The following FLNA variants were observed in gnomAD, a reference collection of about 807,000 sequenced individuals.
The protein encoded by FLNA is filamin A.
A neutral mutation model predicts 157.6 loss-of-function variants in FLNA; 7 were observed. The observed-to-expected ratio is 0.04, with a 90% CI of 0.03 to 0.08. FLNA has a LOEUF of 0.08. FLNA is among the 10% of genes least tolerant of loss of function. The pLI, the probability that FLNA is intolerant of heterozygous loss-of-function variation, is 1.00. For synonymous variants in FLNA, 1,103 were observed against 1,060.8 expected, an observed-to-expected ratio of 1.04 and a Z score of -0.77; for missense variants, 1,750 against 2,398.4, an observed-to-expected ratio of 0.73 and a Z score of 5.65.
rs781978328 is a variant in FLNA, at chrX:154,352,753, G to A, written c.6379+19C>T. On this transcript the variant is annotated intron_variant, in intron 39 of 47. Transcript: ENST00000369850. ...CCCTGGTGTAGTGAGGGGGGCTGCC[G>A]AGGCACTGCTGCACTCACCAGGCAC... The A allele has an allele frequency of 9.1e-6, 11 of 1,210,596 alleles. No individual in the cohort carries two copies. The highest frequency in any genetic ancestry group is 8.7e-5 in the Admixed American group (4 of 45,987).
At chrX:154,359,941 G>A (rs1193397125) in intron 22 of FLNA, 36 bp from the exon 23 acceptor site, 8 of 1,206,099 alleles carry the variant, frequency 6.6e-6, no homozygotes, top group Non-Finnish European at 7.8e-6. Context: ...GGGGCTCGGG[G>A]GTTCTGGTCC....
In FLNA at chrX:154,371,262, C is replaced by T; in HGVS notation, c.-17G>A. 8.3e-7 allele frequency: 1 copy of T among 1,197,952 alleles called. No homozygotes were observed. The highest frequency in any genetic ancestry group is 2.2e-5 in the Admixed American group (1 of 44,939). On this transcript the variant is annotated 5_prime_UTR_variant, in exon 2 of 48. Coordinates refer to ENST00000369850, the MANE Select transcript of FLNA (RefSeq NM_001110556.2). ...GCTACTCATTTTGAGGCGCGAGAAGCCGGGGGGGCGGTGCTGCAGCCTCGG... is the reference window on the plus strand; with the variant it reads ...GCTACTCATTTTGAGGCGCGAGAAGTCGGGGGGGCGGTGCTGCAGCCTCGG...
intron 28 of FLNA, 98 bp downstream of exon 28, chrX:154,358,101 T>C (rs2067676319): frequency 1.0e-6 from 1 of 982,978 alleles, no homozygotes; most frequent in Non-Finnish European, 1.4e-6. Context: ...CTGCCCTCCT[T>C]GGTGCAGCTC....
At chrX:154,361,221 G>C in intron 21 of FLNA, 87 bp downstream of exon 21, 1 of 891,530 alleles carries the variant, frequency 1.1e-6, no homozygotes. Context: ...AAAGGATTTA[G>C]GGCAGGTCTG....
In FLNA at chrX:154,371,197, G is replaced by A. The variant is rs1229353720; in HGVS notation, c.49C>T (p.Pro17Ser). The change falls in exon 2 of 48, where the codon CCG becomes TCG. Residue 17 changes from proline (P) to serine (S), a missense_variant. Physicochemically the swap from Pro to Ser is moderately conservative, Grantham distance 74. Around this residue, in one of 5 missense-constraint regions of FLNA, gnomAD observed 58 missense variants for 27.8 expected, o/e 2.09. Coordinates refer to ENST00000369850, the MANE Select transcript of FLNA (RefSeq NM_001110556.2). Reference sequence around the variant, plus strand: ...TCCCGCGTGTCGACGCCGCCGCCCGGAGCCGCGCCTGCTGCGCTCTGGCCC... The same window carrying A: ...TCCCGCGTGTCGACGCCGCCGCCCGAAGCCGCGCCTGCTGCGCTCTGGCCC... ...RAGQSAAGAA[P>S]GGGVDTRDAE... 2.5e-6 allele frequency: 3 copies of A among 1,195,441 alleles called. No individual in the cohort carries two copies. The highest frequency in any genetic ancestry group is 3.5e-5 in the African/African-American group (2 of 57,384).
rs781963604 is a variant in FLNA, at chrX:154,364,885, G to A, written c.1764C>T (p.Gly588=). The A allele has an allele frequency of 1.7e-6, 2 of 1,211,362 alleles. No homozygotes were observed. The highest frequency in any genetic ancestry group is 1.8e-5 in the South Asian group (1 of 56,978). ...AGTCTGCTGACTTGCCAACGACGCC[G>A]CCCTCCAGCCCAGGGCCCCAGGCCC... is the stretch of plus-strand genomic sequence containing the variant. ...KVRAWGPGLE[G]GVVGKSADFV... The change falls in exon 12 of 48, where the codon GGC becomes GGT. Residue 588 remains glycine (G), a synonymous_variant. Coordinates refer to ENST00000369850, the MANE Select transcript of FLNA (RefSeq NM_001110556.2).
At chrX:154,359,217 C>T in intron 25 of FLNA, 29 bp downstream of exon 25, 1 of 1,211,156 alleles carries the variant, frequency 8.3e-7, no homozygotes, top group Non-Finnish European at 1.1e-6. Flanking sequence ...CAGACAGTCC[C>T]AGCCCTGCCC....
chrX:154,369,663 A>AC (rs1206757310), intron 2 of FLNA, among the ~76,000 whole-genome samples: 31 of 109,812 alleles, frequency 2.8e-4, no homozygotes, highest in African/African-American at 8.0e-4. Flanking sequence ...GAGGGAGGAG[A>AC]CCCCCCCTAA....
rs1309774743 is a variant in FLNA at position 154,354,060 on chromosome X, GGCCTTGTGGA to G, written c.5558-27_5558-18del. 8.3e-7 allele frequency: 1 copy of G among 1,210,681 alleles called. No individual in the cohort carries two copies. Among genetic ancestry groups the G allele is most frequent in the African/African-American group, 1.7e-5 (1 of 57,459 alleles). On this transcript the variant is annotated intron_variant, in intron 34 of 47. Coordinates refer to ENST00000369850, the MANE Select transcript of FLNA (RefSeq NM_001110556.2). ...AGGGGCTTCCTGAGGCAGGAAGAAG[GGCCTTGTGGA>G]ATGGCAGCCTCGTGTGTCCCCCAGC... is the stretch of plus-strand genomic sequence containing the variant.
intron 47 of FLNA, 129 bp downstream of exon 47, chrX:154,349,233 G>A: frequency 3.8e-6 from 3 of 791,411 alleles, no homozygotes; most frequent in Non-Finnish European, 5.7e-6. Context: ...TCCAGGAGGT[G>A]GCAGGGAGGT....
In FLNA at chrX:154,359,952, C is replaced by G. The variant is rs781915083; in HGVS notation, c.3805+38G>C. The G allele has an allele frequency of 5.8e-6, 7 of 1,204,290 alleles. No homozygotes were observed. The African/African-American group carries it at 1.2e-4, about 21-fold the overall frequency. ...GCTTGGGGCTCGGGGGTTCTGGTCC[C>G]TGTCCCCCGTCACATACCCCACGGC... is the stretch of plus-strand genomic sequence containing the variant. On this transcript the variant is annotated intron_variant, in intron 22 of 47. Coordinates refer to ENST00000369850, the MANE Select transcript of FLNA (RefSeq NM_001110556.2).
At chrX:154,368,118 G>T (rs782212524) in intron 2 of FLNA, 28 bp from the exon 3 acceptor site, 4 of 1,208,298 alleles carry the variant, frequency 3.3e-6, no homozygotes, top group Middle Eastern at 2.4e-4. Flanking sequence ...GCCACGCTGG[G>T]CACACGGCTG....
Position 154,359,512 on chromosome X carries a change from T to C in FLNA, c.4114A>G (p.Lys1372Glu). The C allele has an allele frequency of 8.3e-7, 1 of 1,211,201 alleles. No homozygotes were observed. The highest frequency in any genetic ancestry group is 1.1e-6 in the Non-Finnish European group (1 of 895,386). Residue 1372 changes from lysine to glutamate, a missense_variant, in exon 24 of 48, where the codon AAG becomes GAG. Physicochemically the swap from Lys to Glu is moderately conservative, Grantham distance 56. Around this residue, in one of 5 missense-constraint regions of FLNA, gnomAD observed 970 missense variants for 1,302.6 expected, o/e 0.74. Coordinates refer to ENST00000369850, the MANE Select transcript of FLNA (RefSeq NM_001110556.2). ...GTCTCCACAGTGAACTTGTTGGGCTTGTTGGTGGTGCCACTTTGGATGCCT... is the reference window on the plus strand; with the variant it reads ...GTCTCCACAGTGAACTTGTTGGGCTCGTTGGTGGTGCCACTTTGGATGCCT... Reference protein sequence around the residue: ...GPGIQSGTTNKPNKFTVETRG... With the variant: ...GPGIQSGTTNEPNKFTVETRG...
At position 154,358,225 on chromosome X, in the gene FLNA, C is replaced by T. The variant is rs2067677425; in HGVS notation, c.4729G>A (p.Glu1577Lys). 1 of 1,209,465 alleles carries T rather than the reference C, an allele frequency of 8.3e-7. No homozygotes were observed. The highest frequency in any genetic ancestry group is 2.2e-5 in the Admixed American group (1 of 45,937). Residue 1577 changes from glutamate to lysine, a missense_variant, in exon 28 of 48, where the codon GAG becomes AAG. Transcript: ENST00000369850. ...EFTIDAKDAG[E>K]GLLAVQITDP... The stretch of plus-strand genomic sequence containing the variant: ...GTGATCTGGACAGCCAGCAGGCCCT[C>T]CCCGGCGTCCTTTGCATCGATGGTG...
In FLNA at chrX:154,358,370, T is replaced by C; in HGVS notation, c.4599-15A>G. On this transcript the variant is annotated splice_polypyrimidine_tract_variant and intron_variant, in intron 27 of 47. Coordinates refer to ENST00000369850, the MANE Select transcript of FLNA (RefSeq NM_001110556.2). ...CCTTGAAGGGGCTGTGAGGGATTGG[T>C]GTTGTGAGCAGTCAGACAGGTTCTC... The C allele has an allele frequency of 8.3e-7, 1 of 1,211,031 alleles. No individual in the cohort carries two copies. Among genetic ancestry groups the C allele is most frequent in the Non-Finnish European group, 1.1e-6 (1 of 895,298 alleles).
Position 154,366,162 on chromosome X carries a change from C to T in FLNA, c.1291G>A (p.Glu431Lys). 1 of 1,210,687 alleles carries T rather than the reference C, an allele frequency of 8.3e-7. No homozygotes were observed. Among genetic ancestry groups the T allele is most frequent in the Non-Finnish European group, 1.1e-6 (1 of 895,436 alleles). Residue 431 changes from glutamate to lysine, a missense_variant, in exon 9 of 48, where the codon GAG (glutamate) becomes AAG (lysine). Around this residue, in one of 5 missense-constraint regions of FLNA, gnomAD observed 648 missense variants for 805.8 expected, o/e 0.80. Coordinates refer to ENST00000369850, the MANE Select transcript of FLNA (RefSeq NM_001110556.2). ...TCGCCCCGGGCCTCCAGCTGAGGCTCTACCGTGCCCTTCTGTCCCATGGGG... is the reference window on the plus strand; with the variant it reads ...TCGCCCCGGGCCTCCAGCTGAGGCTTTACCGTGCCCTTCTGTCCCATGGGG... ...QDPMGQKGTV[E>K]PQLEARGDST...
At chrX:154,353,883 C>T (rs199701330) in intron 35 of FLNA, 32 bp downstream of exon 35, 15 of 1,209,762 alleles carry the variant, frequency 1.2e-5, no homozygotes, top group African/African-American at 1.7e-5. Flanking sequence ...ATCCCGGGCA[C>T]AGAGCAGGTC....
rs188943867 is a variant in FLNA at position 154,359,001 on chromosome X, T to A, written c.4457A>T (p.Lys1486Ile). ...SKAGVAPLQV[K>I]VQGPKGLVEP... is the part of the protein sequence containing the mutation. ...ACACTCACCTTTGGGCCCTTGCACT[T>A]TGACCTGCAATGGGGCCACACCAGC... The change falls in exon 26 of 48, where the codon AAA (lysine) becomes ATA (isoleucine). Residue 1486 changes from lysine (K) to isoleucine (I), a missense_variant. By Grantham distance (102) the Lys-to-Ile change is moderately radical. Around this residue, in one of 5 missense-constraint regions of FLNA, gnomAD observed 970 missense variants for 1,302.6 expected, o/e 0.74. Coordinates refer to ENST00000369850, the MANE Select transcript of FLNA (RefSeq NM_001110556.2). The A allele has an allele frequency of 6.6e-6, 8 of 1,210,116 alleles. 1 individual carries two copies. Among genetic ancestry groups the A allele is most frequent in the Non-Finnish European group, 8.9e-6 (8 of 895,232 alleles).
In FLNA at chrX:154,362,438, T is replaced by C. The variant is rs2148114357; in HGVS notation, c.2545A>G (p.Met849Val). The C allele has an allele frequency of 8.3e-7, 1 of 1,210,630 alleles. No individual in the cohort carries two copies. The highest frequency in any genetic ancestry group is 3.0e-5 in the East Asian group (1 of 33,786). The change falls in exon 17 of 48, where the codon ATG becomes GTG. Residue 849 changes from methionine (M) to valine (V), a missense_variant. Physicochemically the swap from Met to Val is conservative, Grantham distance 21. Transcript: ENST00000369850. ...TPRGAGSYTI[M>V]VLFADQATPT... ...CCCACCTGGTCAGCAAAGAGGACCA[T>C]AATGGTGTAGCTGCCAGCCCCCCGG...
Sources: allele counts gnomAD v4.1 joint callset (sites outside exome capture counted in the v4.1 genomes callset), GRCh38; gene constraint gnomAD v4.1.1; regional missense constraint gnomAD v4.1.1; transcripts MANE v1.5; gene names NCBI Gene and HGNC (gene_info 2026-07-23, HGNC 2026-07-21).